ASTN2: variants seen among roughly 807,000 people sequenced by gnomAD.
ASTN2 encodes the protein astrotactin-2.
Under a neutral mutation model 139.8 loss-of-function variants are expected in ASTN2, and 54 were observed. The ratio of observed to expected loss-of-function variants is 0.39; its 90% confidence interval spans 0.31 to 0.48. The LOEUF is 0.48. Ranked by LOEUF, ASTN2 falls within the 20% of genes least tolerant of loss-of-function variation. ASTN2 has a pLI of 0.95. For synonymous variants in ASTN2, 756 were observed against 719.5 expected, an observed-to-expected ratio of 1.05 and a Z score of -0.81; for missense variants, 1,565 against 1,725.1, an observed-to-expected ratio of 0.91 and a Z score of 1.64.
intron 1 of ASTN2, among the ~76,000 whole-genome samples, chr9:117,399,064 G>T (rs929456736): frequency 6.6e-6 from 1 of 152,108 alleles, no homozygotes; most frequent in Non-Finnish European, 1.5e-5. Context: ...GATTACAGGC[G>T]TGAGCCACCG....
intron 20 of ASTN2, among the ~76,000 whole-genome samples, chr9:116,446,132 T>TG (rs142913279): frequency 0.032 from 4,787 of 148,770 alleles, 290 homozygotes; most frequent in South Asian, 0.21. Context: ...AGTGAGAAGT[T>TG]GGGGGGGGAC....
intron 19 of ASTN2, among the ~76,000 whole-genome samples, chr9:116,530,757 T>A (rs1040484148): frequency 1.1e-4 from 16 of 152,122 alleles, no homozygotes; most frequent in Admixed American, 2.0e-4. Flanking sequence ...AAATTAGAGT[T>A]CTCCTGATAT....
At chr9:116,807,241 T>C (rs1193419066) in intron 12 of ASTN2, among the ~76,000 whole-genome samples, 1 of 152,090 alleles carries the variant, frequency 6.6e-6, no homozygotes, top group Non-Finnish European at 1.5e-5. Flanking sequence ...AGAGGCTCTG[T>C]ATGGTGGTTT....
At chr9:117,281,730 T>G (rs1355056031) in intron 2 of ASTN2, among the ~76,000 whole-genome samples, 2 of 152,102 alleles carry the variant, frequency 1.3e-5, no homozygotes, top group African/African-American at 4.8e-5. Context: ...CCCACTTTAC[T>G]TCCCTGCAGT....
chr9:116,578,208 G>T (rs1447799191), intron 19 of ASTN2, among the ~76,000 whole-genome samples: 2 of 152,112 alleles, frequency 1.3e-5, no homozygotes, highest in African/African-American at 4.8e-5. Context: ...GGGGCAGTGA[G>T]CCCAGAGACG....
Position 116,910,874 on chromosome 9 carries a change from G to A in ASTN2, c.1890-47141C>T, listed in dbSNP as rs1049320371. ...GTCATTCTGCAAAGTAAGAGTGAGC[G>A]GACTGGGATTCTTACGAATCCTGCT... On this transcript the variant is annotated intron_variant, in intron 10 of 22. Coordinates refer to ENST00000313400, the MANE Select transcript of ASTN2 (RefSeq NM_001365068.1). 2.6e-5 allele frequency among the ~76,000 whole-genome samples: 4 copies of A among 152,280 alleles called. No individual in the cohort carries two copies. In the South Asian group the frequency reaches 6.2e-4, roughly 24 times the overall value.
intron 3 of ASTN2, among the ~76,000 whole-genome samples, chr9:117,191,995 G>T (rs1057448300): frequency 2.0e-5 from 3 of 152,198 alleles, no homozygotes; most frequent in African/African-American, 4.8e-5. Flanking sequence ...CGTTTGTTTT[G>T]CTATCATGGC....
chr9:116,609,379 G>GTTTATATATATATATATATATA, intron 19 of ASTN2, among the ~76,000 whole-genome samples: 1 of 116,734 alleles, frequency 8.6e-6, no homozygotes, highest in African/African-American at 3.2e-5. Flanking sequence ...ATATATGGGT[G>GTTTATATATATATATATATATA]TATATATATA....
Position 117,060,393 on chromosome 9 carries a change from A to G in ASTN2, c.1277-20428T>C, listed in dbSNP as rs1353061292. Among the ~76,000 whole-genome samples the G allele has an allele frequency of 7.5e-3, 593 of 79,428 alleles. 16 individuals are homozygous for G. Among genetic ancestry groups the G allele is most frequent in the African/African-American group, 0.02 (316 of 15,766 alleles). The allele number at this position is 79,428 out of a possible 152,430, so 52.1% of individuals were successfully genotyped here. A position where few individuals can be genotyped will look rare whatever the true frequency, so the allele number is the denominator to read the frequency against. ...AAGAAAGAAAGAAAGAAAGAAAGAA[A>G]GAAAGAAAGAAAGAAAGAAGGAAAG... On this transcript the variant is annotated intron_variant, in intron 5 of 22. Transcript: ENST00000313400.
At chr9:116,664,346 G>A (rs892291038) in intron 16 of ASTN2, among the ~76,000 whole-genome samples, 2 of 151,186 alleles carry the variant, frequency 1.3e-5, no homozygotes, top group African/African-American at 4.8e-5. Context: ...CTCCCAAAGT[G>A]TTGGGATTAC....
In ASTN2 at chr9:116,698,978, T is replaced by A; in HGVS notation, c.2806+26793A>T. 2 of 1,614,152 alleles carry A rather than the reference T, an allele frequency of 1.2e-6. No individual in the cohort carries two copies. Among genetic ancestry groups the A allele is most frequent in the Non-Finnish European group, 1.7e-6 (2 of 1,180,006 alleles). On this transcript the variant is annotated intron_variant, in intron 16 of 22. Coordinates refer to ENST00000313400, the MANE Select transcript of ASTN2 (RefSeq NM_001365068.1). The surrounding 1 kb of genome is among the most constrained non-coding windows in gnomAD (Gnocchi z 4.4). ...TGAAGGAAATCCGCCGCAGCCCCAG[T>A]GGCATTGATAGCTTTGTGCTAAGCT... is the stretch of plus-strand genomic sequence containing the variant.
chr9:116,544,313 A>C (rs1852001911), intron 19 of ASTN2, among the ~76,000 whole-genome samples: 1 of 152,166 alleles, frequency 6.6e-6, no homozygotes, highest in Non-Finnish European at 1.5e-5. Flanking sequence ...CTCCATGTCT[A>C]ATCAAGTGAC....
intron 3 of ASTN2, among the ~76,000 whole-genome samples, chr9:117,153,567 G>C (rs952197935): frequency 6.6e-6 from 1 of 151,996 alleles, no homozygotes; most frequent in Non-Finnish European, 1.5e-5. Context: ...TTTTTCAAGG[G>C]TCATACACAA....
At chr9:117,153,424 G>T (rs1380398722) in intron 3 of ASTN2, among the ~76,000 whole-genome samples, 1 of 152,034 alleles carries the variant, frequency 6.6e-6, no homozygotes, top group Non-Finnish European at 1.5e-5. Flanking sequence ...ATTATTTCAG[G>T]ACACTAAGAT....
intron 5 of ASTN2, among the ~76,000 whole-genome samples, chr9:117,047,072 C>T (rs1486874408): frequency 1.3e-5 from 2 of 152,172 alleles, no homozygotes; most frequent in African/African-American, 4.8e-5. Flanking sequence ...ACTGAGTGCC[C>T]CATGGGATTC....
chr9:117,110,348 T>G (rs551246149), intron 4 of ASTN2, among the ~76,000 whole-genome samples: 2 of 152,308 alleles, frequency 1.3e-5, no homozygotes, highest in Admixed American at 6.5e-5. Flanking sequence ...CTTTATGCAC[T>G]GTTATACTCA....
chr9:117,200,455 A>G (rs1484882508), intron 3 of ASTN2, among the ~76,000 whole-genome samples: 1 of 152,108 alleles, frequency 6.6e-6, no homozygotes, highest in Non-Finnish European at 1.5e-5. Flanking sequence ...TTCAAAGGGA[A>G]TGCTTCCAGC....
chr9:117,352,010 C>T (rs985665778), intron 1 of ASTN2, among the ~76,000 whole-genome samples: 5 of 152,162 alleles, frequency 3.3e-5, no homozygotes, highest in African/African-American at 1.2e-4. Context: ...CTATTAATAT[C>T]TTTTTAATTG....
At chr9:116,436,753 T>C (rs1329873237) in intron 22 of ASTN2, among the ~76,000 whole-genome samples, 1 of 152,018 alleles carries the variant, frequency 6.6e-6, no homozygotes, top group Non-Finnish European at 1.5e-5. Context: ...TAAAGACACA[T>C]GCACACGTAT....
Sources: gnomAD v4.1 joint callset for allele counts (sites outside exome capture counted in the v4.1 genomes callset) on GRCh38, gnomAD v4.1.1 for gene constraint, Gnocchi (gnomAD v3.1) non-coding constraint, MANE v1.5 for transcripts, NCBI Gene and HGNC (gene_info 2026-07-23, HGNC 2026-07-21) for gene names.